Variants in PTPRN2 observed in about 807,000 individuals in gnomAD.
PTPRN2 encodes the protein protein tyrosine phosphatase receptor type N2.
A neutral mutation model predicts 118.8 loss-of-function variants in PTPRN2; 74 were observed. The ratio of observed to expected loss-of-function variants is 0.62; its 90% CI spans 0.52 to 0.76. The LOEUF is 0.76. Ranked by LOEUF, PTPRN2 falls within the 30% of genes least tolerant of loss-of-function variation. The pLI is 0.00. For missense variants in PTPRN2, 1,481 were observed against 1,394.4 expected (o/e 1.06, Z -0.99); for synonymous variants, 641 against 608.0 (o/e 1.05, Z -0.80).
chr7:158,053,348 G>A (rs1401410965), intron 11 of PTPRN2, among the ~76,000 whole-genome samples: 1 of 152,150 alleles, frequency 6.6e-6, no homozygotes, highest in East Asian at 1.9e-4. Context: ...AGGAGGGCCT[G>A]CAGGCACCAC....
At position 158,071,405 on chromosome 7, in the gene PTPRN2, G is replaced by T. The variant is rs868498684; in HGVS notation, c.1723+9893C>A. ...TGCTCGTGGTGGAGGTGCTCGTGGT[G>T]GAGTTGCTCCTGGTGGTGGAGGTGC... is the stretch of plus-strand genomic sequence containing the variant. On this transcript the variant is annotated intron_variant, in intron 11 of 22. Transcript: ENST00000389418. Among the ~76,000 whole-genome samples the T allele has an allele frequency of 1.1e-3, 109 of 102,006 alleles. 3 individuals are homozygous for T. The highest frequency in any genetic ancestry group is 1.6e-3 in the Non-Finnish European group (77 of 47,960). 66.9% of individuals were successfully genotyped at this position (102,006 alleles called of 152,430 possible).
chr7:158,137,041 C>G (rs35866528), intron 7 of PTPRN2, among the ~76,000 whole-genome samples: 3 of 152,270 alleles, frequency 2.0e-5, no homozygotes, highest in South Asian at 2.1e-4. Flanking sequence ...CAAAGTGAAG[C>G]CTTCGCCAAA....
chr7:157,759,489 T>TAAGC (rs1802006646), intron 12 of PTPRN2, among the ~76,000 whole-genome samples: 1 of 152,246 alleles, frequency 6.6e-6, no homozygotes, highest in African/African-American at 2.4e-5. Flanking sequence ...CAGCTCCTTG[T>TAAGC]AAGCCCATCA....
rs114989213 is a variant in PTPRN2, at chr7:157,881,250, T to G, written c.1788+17423A>C. On this transcript the variant is annotated intron_variant, in intron 12 of 22. Coordinates refer to ENST00000389418, the MANE Select transcript of PTPRN2 (RefSeq NM_002847.5). This position sits in a 1 kb window ranked among gnomAD's most constrained non-coding sequence, Gnocchi z 4.7. The stretch of plus-strand genomic sequence containing the variant: ...TCATTATGGTAAAATGAGGTCATGA[T>G]GGTATGTGGAGATGGGGGTGTTTAC... 8.3e-3 allele frequency among the ~76,000 whole-genome samples: 1,145 copies of G among 138,232 alleles called. 7 individuals carry two copies. The highest frequency in any genetic ancestry group is 0.026 in the African/African-American group (864 of 32,788). The allele number at this position is 138,232 out of a possible 152,430, so 90.7% of individuals were successfully genotyped here.
At chr7:158,573,214 CTA>C (rs1828143327) in intron 1 of PTPRN2, among the ~76,000 whole-genome samples, 1 of 152,158 alleles carries the variant, frequency 6.6e-6, no homozygotes. Context: ...GTCACTAACA[CTA>C]TACCCAGCTA....
intron 13 of PTPRN2, among the ~76,000 whole-genome samples, chr7:157,682,433 A>G (rs1310135711): frequency 6.6e-6 from 1 of 152,250 alleles, no homozygotes; most frequent in Non-Finnish European, 1.5e-5. Flanking sequence ...AAGATAACAG[A>G]TAATACATCA....
chr7:158,507,406 G>T (rs1302977700), intron 1 of PTPRN2, among the ~76,000 whole-genome samples: 2 of 149,856 alleles, frequency 1.3e-5, no homozygotes, highest in African/African-American at 2.5e-5. Context: ...GCAGGAAATT[G>T]CACAAACAGA....
At chr7:158,116,345 T>C (rs922488426) in intron 9 of PTPRN2, among the ~76,000 whole-genome samples, 1 of 152,250 alleles carries the variant, frequency 6.6e-6, no homozygotes, top group African/African-American at 2.4e-5. Flanking sequence ...AACACTGTGC[T>C]AGTAGGATCT....
chr7:157,578,693 T>C (rs1372561729), intron 17 of PTPRN2, among the ~76,000 whole-genome samples: 2 of 152,258 alleles, frequency 1.3e-5, no homozygotes, highest in African/African-American at 4.8e-5. Context: ...ATTGATTTAC[T>C]AATTCCTATT....
At chr7:157,750,443 C>T (rs1801394706) in intron 12 of PTPRN2, among the ~76,000 whole-genome samples, 1 of 152,164 alleles carries the variant, frequency 6.6e-6, no homozygotes, top group Admixed American at 6.5e-5. Flanking sequence ...CTTGGGGAAG[C>T]AGCAAGATGC....
At chr7:157,614,821 C>T (rs890230709) in intron 15 of PTPRN2, among the ~76,000 whole-genome samples, 3 of 152,178 alleles carry the variant, frequency 2.0e-5, no homozygotes, top group African/African-American at 4.8e-5. Context: ...GGGAGGGCCT[C>T]GGACACGGCC....
rs1805796857 is a variant in PTPRN2 at position 157,808,857 on chromosome 7, G to C, written c.1788+89816C>G. On this transcript the variant is annotated intron_variant, in intron 12 of 22. Coordinates refer to ENST00000389418, the MANE Select transcript of PTPRN2 (RefSeq NM_002847.5). This position sits in a 1 kb window ranked among gnomAD's most constrained non-coding sequence, Gnocchi z 5.0. The stretch of plus-strand genomic sequence containing the variant: ...ACTCTTTTGGATTAAGCATCTATAA[G>C]ATTCAGTTGTTGCCTTGGACGATTC... 6.6e-6 allele frequency among the ~76,000 whole-genome samples: 1 copy of C among 152,146 alleles called. No individual in the cohort carries two copies. Among genetic ancestry groups the C allele is most frequent in the Non-Finnish European group, 1.5e-5 (1 of 68,042 alleles).
chr7:158,105,973 G>C (rs916374531), intron 10 of PTPRN2, among the ~76,000 whole-genome samples: 3 of 150,566 alleles, frequency 2.0e-5, no homozygotes, highest in Non-Finnish European at 4.4e-5. Context: ...GCTCCATCCA[G>C]TTCCATCCCC....
intron 3 of PTPRN2, among the ~76,000 whole-genome samples, chr7:158,224,557 T>C (rs1172075778): frequency 1.3e-5 from 2 of 152,170 alleles, no homozygotes; most frequent in African/African-American, 4.8e-5. Flanking sequence ...CAGGAACCTC[T>C]ATGTAAGCTT....
chr7:158,036,148 A>G (rs6951695), intron 11 of PTPRN2, among the ~76,000 whole-genome samples: 83,475 of 151,972 alleles, frequency 0.55, 23,949 homozygotes, highest in African/African-American at 0.66. Flanking sequence ...AATTAGGGGC[A>G]TAACAATAAC....
At chr7:158,428,392 C>T (rs918852285) in intron 2 of PTPRN2, among the ~76,000 whole-genome samples, 1 of 152,048 alleles carries the variant, frequency 6.6e-6, no homozygotes, top group African/African-American at 2.4e-5. Context: ...ACCGGGTTGT[C>T]CTTTTAAACG....
intron 12 of PTPRN2, among the ~76,000 whole-genome samples, chr7:157,786,399 G>A (rs905266927): frequency 1.3e-5 from 2 of 152,216 alleles, no homozygotes; most frequent in Non-Finnish European, 2.9e-5. Flanking sequence ...ATTATTTATT[G>A]TACTTCTGGG....
chr7:157,604,061 C>T lies in PTPRN2; in HGVS notation c.2359G>A (p.Val787Ile). 1 of 1,613,772 alleles carries T rather than the reference C, an allele frequency of 6.2e-7. No individual in the cohort carries two copies. The highest frequency in any genetic ancestry group is 8.5e-7 in the Non-Finnish European group (1 of 1,180,002). Residue 787 changes from valine to isoleucine, a missense_variant, in exon 16 of 23, where the codon GTC becomes ATC. By Grantham distance (29) the Val-to-Ile change is conservative. Transcript: ENST00000389418. ...LAVLTYDHSR[V>I]LLKAENSHSH... is the part of the protein sequence containing the mutation. ...TGGCTGTTCTCCGCCTTCAGCAGGA[C>T]CCGGGAGTGGTCATCTGCAAGGACA...
At chr7:157,824,464 C>T (rs764727942) in intron 12 of PTPRN2, among the ~76,000 whole-genome samples, 2 of 152,190 alleles carry the variant, frequency 1.3e-5, no homozygotes, top group African/African-American at 2.4e-5. Context: ...GCATGCTGTC[C>T]GTGGATTCTC....
Sources: gnomAD v4.1 joint callset for allele counts (sites outside exome capture counted in the v4.1 genomes callset) on GRCh38, gnomAD v4.1.1 for gene constraint, Gnocchi (gnomAD v3.1) non-coding constraint, MANE v1.5 for transcripts, NCBI Gene and HGNC (gene_info 2026-07-23, HGNC 2026-07-21) for gene names.